Variants in ABCB4 observed in about 807,000 individuals in gnomAD.
The protein encoded by ABCB4 is phosphatidylcholine translocator ABCB4.
ABCB4 carries 76 observed loss-of-function variants against 145.7 expected under a neutral mutation model. The observed-to-expected ratio is 0.52, with a 90% CI of 0.43 to 0.63. The LOEUF is 0.63. Among genes scored for constraint, ABCB4 ranks in the 30% least tolerant of loss-of-function variants. ABCB4 has a pLI of 0.00. For missense variants in ABCB4, 1,234 were observed against 1,553.1 expected (o/e 0.79, Z 3.45); for synonymous variants, 517 against 566.8 (o/e 0.91, Z 1.25).
chr7:87,437,556 A>G (rs1810693137), intron 14 of ABCB4, among the ~76,000 whole-genome samples: 1 of 152,272 alleles, frequency 6.6e-6, no homozygotes, highest in South Asian at 2.1e-4. Context: ...GCTAATCACC[A>G]TAATAATAGC....
chr7:87,425,482 T>C (rs1450488499), intron 16 of ABCB4, among the ~76,000 whole-genome samples: 1 of 152,208 alleles, frequency 6.6e-6, no homozygotes, highest in Non-Finnish European at 1.5e-5. Context: ...TTGTAATTTC[T>C]GCAGTAATAG....
the ABCB4 span, among the ~76,000 whole-genome samples, chr7:87,390,535 C>T: frequency 6.6e-6 from 1 of 152,282 alleles, no homozygotes; most frequent in East Asian, 1.9e-4. Context: ...AAACACTGAA[C>T]AGAAGAGGCT....
chr7:87,469,485 C>T (rs1301491023), intron 3 of ABCB4, among the ~76,000 whole-genome samples: 1 of 152,184 alleles, frequency 6.6e-6, no homozygotes, highest in Admixed American at 6.5e-5. Context: ...ATTGTCTCAG[C>T]CCAAAGCCTC....
intron 3 of ABCB4, among the ~76,000 whole-genome samples, chr7:87,467,153 C>A (rs1277633059): frequency 6.6e-6 from 1 of 152,018 alleles, no homozygotes; most frequent in Non-Finnish European, 1.5e-5. Flanking sequence ...TTCAGGAAAC[C>A]CATCTCACGT....
At chr7:87,387,340 G>C in the ABCB4 span, among the ~76,000 whole-genome samples, 1 of 151,876 alleles carries the variant, frequency 6.6e-6, no homozygotes, top group Admixed American at 6.6e-5. Context: ...CAGTAAATTT[G>C]TGTTTAAGTC....
the ABCB4 span, chr7:87,392,800 T>G: frequency 6.2e-7 from 1 of 1,613,740 alleles, no homozygotes; most frequent in Non-Finnish European, 8.5e-7. Flanking sequence ...CAGAACTCTT[T>G]ACGGACCCAC....
At chr7:87,384,002 T>A in the ABCB4 span, among the ~76,000 whole-genome samples, 1 of 152,148 alleles carries the variant, frequency 6.6e-6, no homozygotes, top group Non-Finnish European at 1.5e-5. Context: ...TTTCAGACTG[T>A]TCGCCATAGT....
chr7:87,458,136 GC>G (rs988926070), intron 4 of ABCB4, among the ~76,000 whole-genome samples: 5 of 152,064 alleles, frequency 3.3e-5, no homozygotes, highest in Non-Finnish European at 5.9e-5. Flanking sequence ...CAAACAAGAG[GC>G]AATGCAAGGA....
chr7:87,431,804 A>G (rs1810255942), intron 14 of ABCB4, among the ~76,000 whole-genome samples: 1 of 152,170 alleles, frequency 6.6e-6, no homozygotes. Flanking sequence ...TTCTCCAGAA[A>G]CCTATGGTAG....
intron 14 of ABCB4, among the ~76,000 whole-genome samples, chr7:87,437,850 A>G (rs1276331083): frequency 1.3e-5 from 2 of 152,218 alleles, no homozygotes; most frequent in Non-Finnish European, 2.9e-5. Context: ...TTAAAAAATT[A>G]TGAGTAGTTC....
At chr7:87,377,285 A>G in the ABCB4 span, 1 of 962,512 alleles carries the variant, frequency 1.0e-6, no homozygotes. Context: ...TATGTGTTTA[A>G]GATGTAAATT....
Position 87,472,802 on chromosome 7 carries a change from A to G in ABCB4, c.81-127T>C. 6.6e-6 allele frequency: 5 copies of G among 759,286 alleles called. No homozygotes were observed. The South Asian group carries it at 7.0e-5, about 11-fold the overall frequency. The allele number at this position is 759,286 out of a possible 1,614,324, so 47.0% of individuals were successfully genotyped here. On this transcript the variant is annotated intron_variant, in intron 2 of 27. Transcript: ENST00000649586. ...CAAATATAAGAGTGATGTTCACAAA[A>G]TGTCAAAATTATTCAGTTCAACAAA...
At chr7:87,370,549 T>C in the ABCB4 span, among the ~76,000 whole-genome samples, 13,209 of 152,256 alleles carry the variant, frequency 0.087, 631 homozygotes, top group South Asian at 0.17. Flanking sequence ...AATTGTTGGG[T>C]ATATATATCT....
intron 23 of ABCB4, among the ~76,000 whole-genome samples, chr7:87,411,470 C>A (rs550854173): frequency 3.3e-5 from 5 of 152,072 alleles, no homozygotes; most frequent in Non-Finnish European, 7.4e-5. Flanking sequence ...GAGAGAGTGC[C>A]TTTGCCAGAC....
chr7:87,400,442 C>A (rs1807733873), downstream of ABCB4, among the ~76,000 whole-genome samples: 1 of 152,138 alleles, frequency 6.6e-6, no homozygotes, highest in South Asian at 2.1e-4. Context: ...CTGTGCCAGC[C>A]TCTGTCCTGA....
rs1352121021 is a variant in ABCB4 at position 87,402,167 on chromosome 7, G to A, written c.3769C>T (p.Gln1257Ter). 1 of 1,614,042 alleles carries A rather than the reference G, an allele frequency of 6.2e-7. No individual in the cohort carries two copies. The highest frequency in any genetic ancestry group is 8.5e-7 in the Non-Finnish European group (1 of 1,180,022). Residue 1257 changes from glutamine to a stop codon, truncating the protein, a stop_gained, in exon 28 of 28, where the codon CAG becomes TAG. Transcript: ENST00000649586. LOFTEE classifies it high-confidence loss of function. Reference sequence around the variant, plus strand: ...ATGCCTTTCTGTGCCAGCAGCTGCTGATGCGTGCCATGCTCCTTGACTCTC... The same window carrying A: ...ATGCCTTTCTGTGCCAGCAGCTGCTAATGCGTGCCATGCTCCTTGACTCTC... ...NGRVKEHGTH[Q>*]QLLAQKGIYF...
intron 12 of ABCB4, among the ~76,000 whole-genome samples, chr7:87,443,111 G>A (rs1399079524): frequency 1.3e-5 from 2 of 152,200 alleles, no homozygotes; most frequent in Admixed American, 1.3e-4. Context: ...GGAGAGCTTT[G>A]TCCAGCTTCC....
At chr7:87,401,539 G>A (rs1807783878), downstream of ABCB4, among the ~76,000 whole-genome samples, 1 of 151,958 alleles carries the variant, frequency 6.6e-6, no homozygotes, top group African/African-American at 2.4e-5. Flanking sequence ...TTAATGATAG[G>A]GCTCTTTCTT....
chr7:87,475,692 G>T, upstream of ABCB4: 1 of 513,522 alleles, frequency 1.9e-6, no homozygotes, highest in South Asian at 2.5e-5. Context: ...CAGCAGAGGG[G>T]CCTGGACTTT....
Sources: allele counts gnomAD v4.1 joint callset (sites outside exome capture counted in the v4.1 genomes callset), GRCh38; gene constraint gnomAD v4.1.1; transcripts MANE v1.5; gene names NCBI Gene and HGNC (gene_info 2026-07-23, HGNC 2026-07-21).